The following UBASH3B variants were observed in gnomAD, a reference collection of about 807,000 sequenced individuals.
UBASH3B encodes the protein ubiquitin-associated and SH3 domain-containing protein B.
A neutral mutation model predicts 83.4 loss-of-function variants in UBASH3B; 37 were observed. The ratio of observed to expected loss-of-function variants is 0.44; its 90% confidence interval spans 0.34 to 0.58. The LOEUF (loss-of-function observed/expected upper bound fraction) is 0.58. Among genes scored for constraint, UBASH3B ranks in the 20% least tolerant of loss-of-function variants. The pLI is 0.01. For synonymous variants in UBASH3B, 304 were observed against 318.3 expected, an observed-to-expected ratio of 0.96 and a Z score of 0.48; for missense variants, 657 against 827.2, an observed-to-expected ratio of 0.79 and a Z score of 2.52.
intron 1 of UBASH3B, among the ~76,000 whole-genome samples, chr11:122,692,220 C>G (rs1359169320): frequency 6.6e-6 from 1 of 152,084 alleles, no homozygotes; most frequent in African/African-American, 2.4e-5. Flanking sequence ...TATAAGTCAG[C>G]AATAAATTTA....
chr11:122,690,261 T>TATATATATATCTCCAATTATAC (rs1252476809), intron 1 of UBASH3B, among the ~76,000 whole-genome samples: 4 of 137,602 alleles, frequency 2.9e-5, no homozygotes, highest in East Asian at 2.1e-4. Flanking sequence ...TCCAATTATA[T>TATATATATATCTCCAATTATAC]ATATATATAT....
intron 1 of UBASH3B, among the ~76,000 whole-genome samples, chr11:122,718,567 G>T (rs758806163): frequency 6.6e-6 from 1 of 152,132 alleles, no homozygotes; most frequent in Non-Finnish European, 1.5e-5. Context: ...ATTGTGTGAG[G>T]ATTAAGTATG....
rs1306186210 is a variant in UBASH3B at position 122,674,759 on chromosome 11, C to T, written c.161+18549C>T. ...TTTTTTTTTTTTTGAGGCGGAGTCT[C>T]GCTCTGAGGCCCAGGCTGGAGTGCA... On this transcript the variant is annotated intron_variant, in intron 1 of 13. Coordinates refer to ENST00000284273, the MANE Select transcript of UBASH3B (RefSeq NM_032873.5). Among the ~76,000 whole-genome samples the T allele has an allele frequency of 5.0e-5, 6 of 120,592 alleles. 1 individual carries two copies. The highest frequency in any genetic ancestry group is 2.6e-4 in the East Asian group (1 of 3,916). The allele number at this position is 120,592 out of a possible 152,430, so 79.1% of individuals were successfully genotyped here. A position where few individuals can be genotyped will look rare whatever the true frequency, so the allele number is the denominator to read the frequency against.
intron 1 of UBASH3B, among the ~76,000 whole-genome samples, chr11:122,744,886 T>TGTGTG (rs1555142493): frequency 4.4e-5 from 6 of 136,354 alleles, no homozygotes; most frequent in African/African-American, 1.6e-4. Flanking sequence ...TGTGTGTGTG[T>TGTGTG]GTGTGTGTGT....
chr11:122,808,045 A>G (rs749164065), intron 12 of UBASH3B, 22 bp from the exon 13 acceptor site: 3 of 1,591,408 alleles, frequency 1.9e-6, no homozygotes, highest in Non-Finnish European at 2.6e-6. Flanking sequence ...CAGTCTTCCC[A>G]TACCTTGCCA....
At chr11:122,809,636 T>C in intron 13 of UBASH3B, 113 bp from the exon 14 acceptor site, 2 of 1,098,180 alleles carry the variant, frequency 1.8e-6, no homozygotes, top group Non-Finnish European at 2.6e-6. Context: ...AAAGCCACTA[T>C]CCATTTCTGA....
intron 1 of UBASH3B, among the ~76,000 whole-genome samples, chr11:122,664,188 G>A (rs1565521247): frequency 1.3e-5 from 2 of 152,106 alleles, no homozygotes; most frequent in Non-Finnish European, 2.9e-5. Flanking sequence ...AGAGGGGTGC[G>A]GGGCCTGAGA....
At chr11:122,765,225 G>C (rs1342401519) in intron 1 of UBASH3B, among the ~76,000 whole-genome samples, 2 of 152,210 alleles carry the variant, frequency 1.3e-5, no homozygotes, top group Non-Finnish European at 2.9e-5. Context: ...CTAAGACAGA[G>C]AGGCAGTGAA....
At chr11:122,792,190 T>C (rs1334107915) in intron 6 of UBASH3B, among the ~76,000 whole-genome samples, 1 of 151,962 alleles carries the variant, frequency 6.6e-6, no homozygotes, top group Non-Finnish European at 1.5e-5. Flanking sequence ...CCTATCAGTA[T>C]CTTCACAGCT....
chr11:122,656,242 C>A (rs375074358), intron 1 of UBASH3B, 32 bp downstream of exon 1: 206 of 1,375,328 alleles, frequency 1.5e-4, no homozygotes, highest in Non-Finnish European at 1.8e-4. Context: ...CCTCGGCGAC[C>A]CCTCCCGCGC....
chr11:122,694,214 TA>T (rs11362407), intron 1 of UBASH3B, among the ~76,000 whole-genome samples: 17,232 of 152,176 alleles, frequency 0.11, 1,342 homozygotes, highest in African/African-American at 0.22. Context: ...ATCTCTTTTT[TA>T]TGAGAGCTAT....
chr11:122,771,520 C>T (rs887378649), intron 1 of UBASH3B, among the ~76,000 whole-genome samples: 1 of 152,190 alleles, frequency 6.6e-6, no homozygotes, highest in East Asian at 1.9e-4. Flanking sequence ...GGATTACAGG[C>T]GTGAGCCACC....
intron 1 of UBASH3B, among the ~76,000 whole-genome samples, chr11:122,695,089 T>G (rs906091586): frequency 2.7e-5 from 4 of 145,952 alleles, no homozygotes; most frequent in Non-Finnish European, 6.0e-5. Context: ...TCAGCCTCCC[T>G]AGTAGCTGGG....
chr11:122,793,194 C>A (rs1018585633), intron 6 of UBASH3B, among the ~76,000 whole-genome samples: 2 of 152,132 alleles, frequency 1.3e-5, no homozygotes, highest in African/African-American at 4.8e-5. Context: ...ACCAGCCTGG[C>A]CAACATGGTG....
intron 1 of UBASH3B, among the ~76,000 whole-genome samples, chr11:122,699,511 TTCTTTCTCTTTCTTTCTTTC>T (rs1448031968): frequency 1.1e-4 from 16 of 139,754 alleles, no homozygotes; most frequent in African/African-American, 4.2e-4. Context: ...CTTTCTTTCT[TTCTTTCTCTTTCTTTCTTTC>T]TCTTTCTTTC....
rs1444364812 is a variant in UBASH3B, at chr11:122,779,712, C to T, written c.601+17C>T. Reference sequence around the variant, plus strand: ...CCAAAACCGGTGAGCAAACAGCTGCCAGGCCAGCCCTGGGCCCTGTCAATC... The same window carrying T: ...CCAAAACCGGTGAGCAAACAGCTGCTAGGCCAGCCCTGGGCCCTGTCAATC... On this transcript the variant is annotated intron_variant, in intron 4 of 13. Transcript: ENST00000284273. The T allele has an allele frequency of 4.3e-6, 7 of 1,613,920 alleles. No individual in the cohort carries two copies. The African/African-American group carries it at 8.0e-5, about 18-fold the overall frequency.
chr11:122,726,595 C>T (rs996497841), intron 1 of UBASH3B, among the ~76,000 whole-genome samples: 1 of 152,118 alleles, frequency 6.6e-6, no homozygotes. Context: ...GTGATCTGTT[C>T]ACCTCATCCT....
rs139067834 is a variant in UBASH3B, at chr11:122,663,296, A to G, written c.161+7086A>G. ...CTGGCCTTACGCCAGAATTTCTAAT[A>G]ATACCTTAAGTTTTTAGACCATGTT... On this transcript the variant is annotated intron_variant, in intron 1 of 13. Transcript: ENST00000284273. 1.9e-3 allele frequency among the ~76,000 whole-genome samples: 291 copies of G among 152,326 alleles called. 1 individual carries two copies. Among genetic ancestry groups the G allele is most frequent in the African/African-American group, 6.5e-3 (272 of 41,580 alleles).
At chr11:122,690,250 A>C (rs540289793) in intron 1 of UBASH3B, among the ~76,000 whole-genome samples, 14 of 134,770 alleles carry the variant, frequency 1.0e-4, no homozygotes, top group East Asian at 8.5e-4. Context: ...ATATATATAT[A>C]TCCAATTATA....
Sources: gnomAD v4.1 joint callset for allele counts (sites outside exome capture counted in the v4.1 genomes callset) on GRCh38, gnomAD v4.1.1 for gene constraint, MANE v1.5 for transcripts, NCBI Gene and HGNC (gene_info 2026-07-23, HGNC 2026-07-21) for gene names.